PDE1C: variants seen among roughly 807,000 people sequenced by gnomAD.
PDE1C encodes dual specificity calcium/calmodulin-dependent 3',5'-cyclic nucleotide phosphodiesterase 1C.
Under a neutral mutation model 93.1 loss-of-function variants are expected in PDE1C, and 62 were observed. That is an observed-to-expected ratio of 0.67 (90% CI 0.54 to 0.82). PDE1C has a LOEUF of 0.82. Ranked by LOEUF, PDE1C falls within the 40% of genes least tolerant of loss-of-function variation. The probability of loss-of-function intolerance (pLI) is 0.00; values close to 1 mark genes in which losing one functional copy is unlikely to be tolerated. For missense variants in PDE1C, 742 were observed against 884.6 expected, an observed-to-expected ratio of 0.84 and a Z score of 2.04; for synonymous variants, 325 against 310.1, an observed-to-expected ratio of 1.05 and a Z score of -0.50.
intron 2 of PDE1C, among the ~76,000 whole-genome samples, chr7:32,200,090 T>C (rs1291292738): frequency 6.6e-6 from 1 of 152,122 alleles, no homozygotes; most frequent in Admixed American, 6.5e-5. Context: ...ATCCAAAACA[T>C]TTCTGGTCCC....
chr7:31,873,283 G>C lies in PDE1C; in HGVS notation c.609+9C>G, dbSNP rs1316378050. ...TTTATTTATTTTTTCTTTTTAAAGA[G>C]GTACTGACCTTGAAACGGCTGATCA... is the stretch of plus-strand genomic sequence containing the variant. On this transcript the variant is annotated intron_variant, in intron 6 of 17. Transcript: ENST00000396191. The C allele has an allele frequency of 6.6e-6, 10 of 1,509,696 alleles. No individual in the cohort carries two copies. The highest frequency in any genetic ancestry group is 9.2e-6 in the Non-Finnish European group (10 of 1,089,482). 93.5% of individuals were successfully genotyped at this position (1,509,696 alleles called of 1,614,324 possible).
intron 1 of PDE1C, among the ~76,000 whole-genome samples, chr7:32,309,276 G>A (rs534467943): frequency 6.6e-6 from 1 of 152,210 alleles, no homozygotes; most frequent in Non-Finnish European, 1.5e-5. Flanking sequence ...CGTCTGATTG[G>A]TGTACCTGAA....
chr7:32,345,387 C>T (rs1414088492), intron 1 of PDE1C, among the ~76,000 whole-genome samples: 1 of 152,194 alleles, frequency 6.6e-6, no homozygotes, highest in African/African-American at 2.4e-5. Flanking sequence ...TATCTCAAAT[C>T]AAGTAAGCGA....
At chr7:32,009,766 T>G (rs1194995896) in intron 2 of PDE1C, among the ~76,000 whole-genome samples, 1 of 152,180 alleles carries the variant, frequency 6.6e-6, no homozygotes, top group East Asian at 1.9e-4. Flanking sequence ...ACAAACAACA[T>G]GACATTTTAT....
intron 2 of PDE1C, among the ~76,000 whole-genome samples, chr7:31,948,411 G>A (rs762921999): frequency 6.6e-6 from 1 of 152,158 alleles, no homozygotes; most frequent in Admixed American, 6.5e-5. Flanking sequence ...TTTACACATT[G>A]GCTGAAGAAA....
At chr7:31,891,280 G>T (rs1164496006) in intron 2 of PDE1C, among the ~76,000 whole-genome samples, 2 of 152,148 alleles carry the variant, frequency 1.3e-5, no homozygotes, top group Non-Finnish European at 2.9e-5. Context: ...AGAGAAGCTG[G>T]AAAACACAGT....
intron 1 of PDE1C, among the ~76,000 whole-genome samples, chr7:32,270,740 T>C (rs1187405190): frequency 6.6e-6 from 1 of 152,180 alleles, no homozygotes; most frequent in African/African-American, 2.4e-5. Context: ...CAGAGGGCTC[T>C]GGAGCACGTG....
intron 2 of PDE1C, among the ~76,000 whole-genome samples, chr7:31,936,433 G>GAA (rs34551942): frequency 3.9e-5 from 5 of 128,586 alleles, no homozygotes; most frequent in Admixed American, 7.6e-5. Context: ...CCAGGGAGAA[G>GAA]AAAAAAAAAA....
At chr7:31,864,358 T>TA (rs997904402) in intron 7 of PDE1C, among the ~76,000 whole-genome samples, 20 of 152,196 alleles carry the variant, frequency 1.3e-4, no homozygotes, top group African/African-American at 4.6e-4. Context: ...TTCCATGTCT[T>TA]AAAAAAAAAT....
At chr7:31,883,016 T>C (rs1047158854) in intron 2 of PDE1C, among the ~76,000 whole-genome samples, 1 of 152,142 alleles carries the variant, frequency 6.6e-6, no homozygotes, top group Non-Finnish European at 1.5e-5. Context: ...AGAAACAAAC[T>C]TGAAAATCTT....
chr7:31,948,669 G>A (rs369930292), intron 2 of PDE1C, among the ~76,000 whole-genome samples: 1 of 152,082 alleles, frequency 6.6e-6, no homozygotes, highest in East Asian at 1.9e-4. Context: ...GCGGAGATGG[G>A]AGTTGTTTTC....
chr7:31,883,572 AT>A lies in PDE1C; in HGVS notation c.129-2713del, dbSNP rs1797513366. On this transcript the variant is annotated intron_variant, in intron 2 of 17. Coordinates refer to ENST00000396191, the MANE Select transcript of PDE1C (RefSeq NM_001191057.4). ...GCTAATTCTCATCAGTTGAAAAATA[AT>A]TGGAATTATTAAGGACATTATATGG... Among the ~76,000 whole-genome samples, 3 of 152,354 alleles carry A rather than the reference AT, an allele frequency of 2.0e-5. No individual in the cohort carries two copies. The South Asian group carries it at 6.2e-4, about 32-fold the overall frequency.
chr7:32,097,219 A>C (rs1232450434), intron 3 of PDE1C, among the ~76,000 whole-genome samples: 1 of 152,232 alleles, frequency 6.6e-6, no homozygotes, highest in Non-Finnish European at 1.5e-5. Context: ...TCTCATCCAG[A>C]AACACCCTCC....
chr7:31,839,957 A>T (rs533421823), intron 9 of PDE1C, among the ~76,000 whole-genome samples: 1 of 152,270 alleles, frequency 6.6e-6, no homozygotes, highest in East Asian at 1.9e-4. Flanking sequence ...GAATTGCTTG[A>T]ACCTAGGAGG....
At chr7:32,066,071 A>G (rs1479833336) in intron 1 of PDE1C, among the ~76,000 whole-genome samples, 1 of 152,224 alleles carries the variant, frequency 6.6e-6, no homozygotes, top group Non-Finnish European at 1.5e-5. Flanking sequence ...AATGGATCCA[A>G]TGGCAGCCCC....
intron 3 of PDE1C, among the ~76,000 whole-genome samples, chr7:32,135,261 T>C (rs1026666559): frequency 6.6e-6 from 1 of 152,104 alleles, no homozygotes; most frequent in African/African-American, 2.4e-5. Context: ...CAAGAATACT[T>C]TGAAAAACGT....
At chr7:32,399,909 C>A (rs962091558) in intron 1 of PDE1C, among the ~76,000 whole-genome samples, 4 of 152,084 alleles carry the variant, frequency 2.6e-5, no homozygotes, top group Non-Finnish European at 4.4e-5. Flanking sequence ...TTAATTACCT[C>A]CTAAAGACCC....
intron 1 of PDE1C, among the ~76,000 whole-genome samples, chr7:32,217,423 G>A (rs571428165): frequency 1.1e-4 from 16 of 152,276 alleles, no homozygotes; most frequent in African/African-American, 2.2e-4. Context: ...TAATTGTTGC[G>A]TGAGGATCAA....
chr7:32,337,277 G>A (rs1783645653), intron 1 of PDE1C, among the ~76,000 whole-genome samples: 1 of 152,102 alleles, frequency 6.6e-6, no homozygotes, highest in Non-Finnish European at 1.5e-5. Context: ...AGTCAATCTT[G>A]AACAAGGCAG....
Sources: gnomAD v4.1 joint callset for allele counts (sites outside exome capture counted in the v4.1 genomes callset) on GRCh38, gnomAD v4.1.1 for gene constraint, MANE v1.5 for transcripts, NCBI Gene and HGNC (gene_info 2026-07-23, HGNC 2026-07-21) for gene names.